Variants in PITPNB observed in about 807,000 individuals in gnomAD.
PITPNB encodes phosphatidylinositol transfer protein beta.
In PITPNB, 16 loss-of-function variants were observed where a neutral mutation model predicts 45.9. That is an observed-to-expected ratio of 0.35 (90% CI 0.24 to 0.53). The LOEUF (loss-of-function observed/expected upper bound fraction) is 0.53. PITPNB is among the 20% of genes least tolerant of loss of function. The pLI is 0.93. For missense variants in PITPNB, 188 were observed against 330.5 expected, an observed-to-expected ratio of 0.57 and a Z score of 3.34; for synonymous variants, 112 against 108.9, an observed-to-expected ratio of 1.03 and a Z score of -0.18.
intron 7 of PITPNB, among the ~76,000 whole-genome samples, chr22:27,882,790 C>T (rs1054263144): frequency 1.3e-5 from 2 of 152,232 alleles, no homozygotes; most frequent in Non-Finnish European, 2.9e-5. Context: ...TCACATACTA[C>T]ACAACCAACA....
chr22:27,866,992 G>C (rs1934503960), intron 8 of PITPNB, among the ~76,000 whole-genome samples: 1 of 152,072 alleles, frequency 6.6e-6, no homozygotes, highest in South Asian at 2.1e-4. Flanking sequence ...TCTCTATTTA[G>C]GTAACCTAAA....
chr22:27,856,411 C>T (rs1934174402), intron 10 of PITPNB, among the ~76,000 whole-genome samples: 1 of 152,214 alleles, frequency 6.6e-6, no homozygotes, highest in African/African-American at 2.4e-5. Context: ...TCACCAGCTC[C>T]ACAGCGGAGG....
chr22:27,905,523 T>G (rs1935731352), intron 3 of PITPNB, among the ~76,000 whole-genome samples: 1 of 152,214 alleles, frequency 6.6e-6, no homozygotes, highest in Non-Finnish European at 1.5e-5. Flanking sequence ...CATTTTCAAG[T>G]GATTTAAATT....
intron 1 of PITPNB, among the ~76,000 whole-genome samples, chr22:27,918,865 G>A (rs1384914020): frequency 1.3e-5 from 2 of 152,158 alleles, no homozygotes; most frequent in African/African-American, 4.8e-5. Context: ...TGGGGGTGGG[G>A]GGTTGGGGAG....
At position 27,894,614 on chromosome 22, in the gene PITPNB, A is replaced by G. The variant is rs1403513489; in HGVS notation, c.397T>C (p.Trp133Arg). The stretch of plus-strand genomic sequence containing the variant: ...ATATGGACAATTTCAACAGTTTTCC[A>G]TGTGTTTGGATCTAAACCATGTACC... ...ENVHGLDPNT[W>R]KTVEIVHIDI... The change falls in exon 7 of 12, where the codon TGG becomes CGG. Residue 133 changes from tryptophan to arginine, a missense_variant. Coordinates refer to ENST00000335272, the MANE Select transcript of PITPNB (RefSeq NM_012399.5). 3.7e-6 allele frequency: 6 copies of G among 1,604,088 alleles called. No homozygotes were observed. The highest frequency in any genetic ancestry group is 5.1e-6 in the Non-Finnish European group (6 of 1,171,798).
chr22:27,863,222 T>A (rs766168646), intron 8 of PITPNB, among the ~76,000 whole-genome samples: 9 of 152,134 alleles, frequency 5.9e-5, no homozygotes, highest in Non-Finnish European at 1.3e-4. Flanking sequence ...AAGGTCAGGA[T>A]CCTTAACCTC....
Position 27,853,049 on chromosome 22 carries a change from C to T in PITPNB, c.*653G>A, listed in dbSNP as rs1293001706. 5.2e-5 allele frequency: 8 copies of T among 152,466 alleles called. No homozygotes were observed. Among genetic ancestry groups the T allele is most frequent in the African/African-American group, 4.8e-5 (2 of 41,400 alleles). 9.4% of individuals were successfully genotyped at this position (152,466 alleles called of 1,614,324 possible). A position where few individuals can be genotyped will look rare whatever the true frequency, so the allele number is the denominator to read the frequency against. On this transcript the variant is annotated 3_prime_UTR_variant, in exon 12 of 12. Transcript: ENST00000335272. The stretch of plus-strand genomic sequence containing the variant: ...TACTTTATATTGTCAAATTTGGCTA[C>T]AAGATAATGACCATCCAGAAATAAA...
intron 10 of PITPNB, 82 bp downstream of exon 10, chr22:27,858,305 T>A: frequency 9.0e-7 from 1 of 1,113,448 alleles, no homozygotes; most frequent in East Asian, 2.5e-5. Flanking sequence ...CTCTTCCTAA[T>A]TCTAACTCTG....
rs138056675 is a variant in PITPNB, at chr22:27,874,021, T to C, written c.457-206A>G. On this transcript the variant is annotated intron_variant, in intron 7 of 11. Coordinates refer to ENST00000335272, the MANE Select transcript of PITPNB (RefSeq NM_012399.5). ...CTTTAAACTTTTACCTTGGGCTAAA[T>C]AACTACATAATAAGAAATAATAAAA... Among the ~76,000 whole-genome samples, 1,033 of 152,352 alleles carry C rather than the reference T, an allele frequency of 6.8e-3. 7 individuals carry two copies. Among genetic ancestry groups the C allele is most frequent in the African/African-American group, 0.023 (938 of 41,580 alleles).
intron 7 of PITPNB, among the ~76,000 whole-genome samples, chr22:27,888,322 C>T (rs1935182101): frequency 6.6e-6 from 1 of 152,230 alleles, no homozygotes; most frequent in South Asian, 2.1e-4. Flanking sequence ...TGTCACTTTA[C>T]AGTGGGTAGA....
chr22:27,913,758 AC>A (rs1043709224), intron 2 of PITPNB, among the ~76,000 whole-genome samples: 8 of 152,180 alleles, frequency 5.3e-5, no homozygotes, highest in African/African-American at 1.9e-4. Flanking sequence ...GGAATGTTTA[AC>A]CTTGAGACTT....
intron 7 of PITPNB, among the ~76,000 whole-genome samples, chr22:27,891,191 C>T (rs1040709275): frequency 1.4e-4 from 22 of 152,060 alleles, no homozygotes; most frequent in African/African-American, 5.3e-4. Context: ...CCAAATGCCA[C>T]TGAATTATAC....
chr22:27,876,510 C>T (rs1934824218), intron 7 of PITPNB, among the ~76,000 whole-genome samples: 2 of 152,238 alleles, frequency 1.3e-5, no homozygotes, highest in East Asian at 1.9e-4. Flanking sequence ...TTCTGTTTTA[C>T]GTTAGTTTGA....
intron 3 of PITPNB, among the ~76,000 whole-genome samples, chr22:27,910,241 C>T (rs965747944): frequency 6.6e-6 from 1 of 152,040 alleles, no homozygotes; most frequent in Non-Finnish European, 1.5e-5. Context: ...TGAGCCACCG[C>T]GCCTGGCCAA....
At chr22:27,913,077 G>A (rs919994201) in intron 2 of PITPNB, among the ~76,000 whole-genome samples, 4 of 150,590 alleles carry the variant, frequency 2.7e-5, no homozygotes, top group East Asian at 2.0e-4. Flanking sequence ...AAAAGATTTC[G>A]ACAAGCTGAT....
intron 2 of PITPNB, among the ~76,000 whole-genome samples, chr22:27,913,851 C>A (rs1300850932): frequency 1.3e-5 from 2 of 152,126 alleles, no homozygotes; most frequent in African/African-American, 4.8e-5. Context: ...AAGGATTAAC[C>A]ACTACAAGAC....
intron 7 of PITPNB, among the ~76,000 whole-genome samples, chr22:27,889,879 T>C (rs1264222156): frequency 6.6e-6 from 1 of 152,182 alleles, no homozygotes; most frequent in East Asian, 1.9e-4. Flanking sequence ...AATATTCGAG[T>C]GACAAAATTA....
intron 1 of PITPNB, among the ~76,000 whole-genome samples, chr22:27,917,082 C>A: frequency 6.6e-6 from 1 of 152,262 alleles, no homozygotes; most frequent in Admixed American, 6.5e-5. Flanking sequence ...AGGGGAGATA[C>A]ACATGAAGAG....
chr22:27,856,916 TAG>T (rs1491467372), intron 10 of PITPNB, among the ~76,000 whole-genome samples: 1 of 152,138 alleles, frequency 6.6e-6, no homozygotes, highest in Non-Finnish European at 1.5e-5. Flanking sequence ...GGGTGCTTGT[TAG>T]AGTCAGAGAA....
Sources: allele counts gnomAD v4.1 joint callset (sites outside exome capture counted in the v4.1 genomes callset), GRCh38; gene constraint gnomAD v4.1.1; transcripts MANE v1.5; gene names NCBI Gene and HGNC (gene_info 2026-07-23, HGNC 2026-07-21).